Variants in MZT2A observed in about 807,000 individuals in gnomAD.
MZT2A encodes mitotic-spindle organizing protein 2A.
Under a neutral mutation model 12.4 loss-of-function variants are expected in MZT2A, and 8 were observed. The ratio of observed to expected loss-of-function variants is 0.64; its 90% CI spans 0.38 to 1.16. The LOEUF is 1.16. Among genes scored for constraint, MZT2A ranks in the 50% most tolerant of loss-of-function variants. The pLI is 0.01. For missense variants in MZT2A, 181 were observed against 223.6 expected, an observed-to-expected ratio of 0.81 and a Z score of 1.22; for synonymous variants, 88 against 107.5, an observed-to-expected ratio of 0.82 and a Z score of 1.12.
chr2:131,476,326 G>T, intron 2 of MZT2A: 6 of 1,531,684 alleles, frequency 3.9e-6, no homozygotes, highest in Non-Finnish European at 5.3e-6. Flanking sequence ...GCAGGGTCTA[G>T]TGCGGGACAG....
chr2:131,479,279 A>C, downstream of MZT2A: 1 of 1,610,730 alleles, frequency 6.2e-7, no homozygotes, highest in African/African-American at 1.3e-5. Flanking sequence ...GGCCTTAAAA[A>C]TTCACAGCAC....
At position 131,492,188 on chromosome 2, in the gene MZT2A, C is replaced by G; in HGVS notation, c.170+19G>C. 3.2e-6 allele frequency: 5 copies of G among 1,548,086 alleles called. No individual in the cohort carries two copies. The highest frequency in any genetic ancestry group is 3.5e-6 in the Non-Finnish European group (4 of 1,150,196). On this transcript the variant is annotated intron_variant, in intron 1 of 2. Transcript: ENST00000309451. ...CGGGGGTGTCTGGCGAGCATGCGGCCCCCACCCGCCCCGCTCACTTGAACA... is the reference window on the plus strand; with the variant it reads ...CGGGGGTGTCTGGCGAGCATGCGGCGCCCACCCGCCCCGCTCACTTGAACA...
Position 131,492,357 on chromosome 2 carries a change from C to A in MZT2A, c.20G>T (p.Gly7Val). 1.4e-6 allele frequency: 2 copies of A among 1,399,672 alleles called. No homozygotes were observed. The highest frequency in any genetic ancestry group is 1.8e-6 in the Non-Finnish European group (2 of 1,086,250). The allele number at this position is 1,399,672 out of a possible 1,614,324, so 86.7% of individuals were successfully genotyped here. A position where few individuals can be genotyped will look rare whatever the true frequency, so the allele number is the denominator to read the frequency against. Residue 7 changes from glycine to valine, a missense_variant, in exon 1 of 3, where the codon GGG (glycine) becomes GTG (valine). By Grantham distance (109) the Gly-to-Val change is moderately radical. This residue lies in a region of MZT2A where 106 missense variants were observed against 127.2 expected (regional missense o/e 0.83). Coordinates refer to ENST00000309451, the MANE Select transcript of MZT2A (RefSeq NM_001085365.2). ...GGGCGCCGCCGACCCCGGCCCAGGCCCTACGCCCTGCGCCGCCATCCGCGA... is the reference window on the plus strand; with the variant it reads ...GGGCGCCGCCGACCCCGGCCCAGGCACTACGCCCTGCGCCGCCATCCGCGA... Reference protein sequence around the residue: MAAQGVGPGPGSAAPPG... With the variant: MAAQGVVPGPGSAAPPG...
At chr2:131,482,910 A>G (rs1388296403), downstream of MZT2A, 2 of 1,571,660 alleles carry the variant, frequency 1.3e-6, no homozygotes, top group African/African-American at 2.7e-5. Flanking sequence ...AGTTGTTTGC[A>G]ATTAAAGGTT....
chr2:131,482,167 G>C (rs2695517), downstream of MZT2A, among the ~76,000 whole-genome samples: 1 of 152,322 alleles, frequency 6.6e-6, no homozygotes, highest in East Asian at 1.9e-4. Context: ...ATAGCATGGG[G>C]AAGAGTTGTG....
At chr2:131,475,220 G>A (rs112214959) in intron 2 of MZT2A, among the ~76,000 whole-genome samples, 25,840 of 150,772 alleles carry the variant, frequency 0.17, 4,026 homozygotes, top group African/African-American at 0.42. Context: ...ACCTGAAGCA[G>A]TCCTCCTGCC....
rs993950960 is a variant in MZT2A at position 131,472,047 on chromosome 2, A to T, written c.393+21T>A. 1.1e-5 allele frequency: 14 copies of T among 1,288,030 alleles called. No individual in the cohort carries two copies. The African/African-American group carries it at 2.1e-4, about 20-fold the overall frequency. 79.8% of individuals were successfully genotyped at this position (1,288,030 alleles called of 1,614,324 possible). ...CTGCAAAGCCTCTTAAGCCTTTCTC[A>T]CCCAGAACCGAACTGCCTACCTTGT... On this transcript the variant is annotated intron_variant and NMD_transcript_variant, in intron 3 of 4. Coordinates refer to the MZT2A transcript ENST00000427024.
At chr2:131,473,109 G>T (rs1678511101) in intron 2 of MZT2A, among the ~76,000 whole-genome samples, 2 of 152,112 alleles carry the variant, frequency 1.3e-5, no homozygotes, top group African/African-American at 4.8e-5. Flanking sequence ...GAAGGTGGCT[G>T]TGTGCAAACC....
At chr2:131,487,643 G>A (rs1461350780) in intron 2 of MZT2A, among the ~76,000 whole-genome samples, 1 of 152,210 alleles carries the variant, frequency 6.6e-6, no homozygotes, top group Non-Finnish European at 1.5e-5. Context: ...GTAGAAATGG[G>A]TGGGGTCTTG....
downstream of MZT2A, chr2:131,480,197 G>A (rs1052294): frequency 6.2e-7 from 1 of 1,613,942 alleles, no homozygotes; most frequent in South Asian, 1.1e-5. Context: ...CCAAGCTAGA[G>A]TTTGCCATTT....
At position 131,492,275 on chromosome 2, in the gene MZT2A, G is replaced by A. The variant is rs372700068; in HGVS notation, c.102C>T (p.Ser34=). The change falls in exon 1 of 3, where the codon AGC becomes AGT. Residue 34 remains serine, a synonymous_variant. Transcript: ENST00000309451. The part of the protein sequence containing the change: ...KLALRRKKVL[S]TEEMELYELA... ...GCTCGTACAGCTCCATCTCCTCGGT[G>A]CTCAGCACCTTCTTGCGCCGCAGCG... 26 of 1,575,750 alleles carry A rather than the reference G, an allele frequency of 1.7e-5. No individual in the cohort carries two copies. Among genetic ancestry groups the A allele is most frequent in the African/African-American group, 1.6e-4 (12 of 73,584 alleles).
At chr2:131,477,189 C>T (rs559892033) in intron 2 of MZT2A, among the ~76,000 whole-genome samples, 2 of 151,754 alleles carry the variant, frequency 1.3e-5, no homozygotes, top group South Asian at 4.2e-4. Context: ...AGGTGTGTGC[C>T]ACCACACCTG....
intron 2 of MZT2A, among the ~76,000 whole-genome samples, chr2:131,477,090 C>T (rs558344974): frequency 1.1e-4 from 17 of 150,830 alleles, no homozygotes; most frequent in Admixed American, 9.9e-4. Flanking sequence ...CAGGCTGGAG[C>T]ACAGTTGCAG....
Position 131,492,356 on chromosome 2 carries a change from C to T in MZT2A, c.21G>A (p.Gly7=), listed in dbSNP as rs917234580. The T allele has an allele frequency of 3.6e-6, 5 of 1,399,514 alleles. No homozygotes were observed. The highest frequency in any genetic ancestry group is 6.7e-5 in the Admixed American group (2 of 30,040). The allele number at this position is 1,399,514 out of a possible 1,614,324, so 86.7% of individuals were successfully genotyped here. The change falls in exon 1 of 3, where the codon GGG becomes GGA. Residue 7 remains glycine, a synonymous_variant. Transcript: ENST00000309451. MAAQGV[G]PGPGSAAPPG... is the part of the protein sequence containing the mutation. ...GGGGCGCCGCCGACCCCGGCCCAGG[C>T]CCTACGCCCTGCGCCGCCATCCGCG...
chr2:131,487,151 C>T (rs1232536015), intron 2 of MZT2A, among the ~76,000 whole-genome samples: 2 of 152,094 alleles, frequency 1.3e-5, no homozygotes, highest in East Asian at 1.9e-4. Flanking sequence ...CCCTCCTAAA[C>T]GCCAAAAACA....
At chr2:131,480,013 G>T, downstream of MZT2A, 1 of 1,523,500 alleles carries the variant, frequency 6.6e-7, no homozygotes. Flanking sequence ...TGGCTTGTTG[G>T]AGGTTGGTGG....
intron 2 of MZT2A, among the ~76,000 whole-genome samples, 194 bp from the exon 3 acceptor site, chr2:131,484,412 G>A (rs1197194749): frequency 1.3e-5 from 2 of 152,234 alleles, no homozygotes; most frequent in Non-Finnish European, 2.9e-5. Flanking sequence ...GAAGCCCTTG[G>A]CAGTGTGCAG....
In MZT2A at chr2:131,478,335, G is replaced by A. The variant is rs534432356; in HGVS notation, c.279-6153C>T. ...CACGTTCTTCAGTGAGACTGGAGCT[G>A]GCAAGCACGTGCCCAGAGCAGTGTT... is the stretch of plus-strand genomic sequence containing the variant. On this transcript the variant is annotated intron_variant and NMD_transcript_variant, in intron 2 of 4. Coordinates refer to the MZT2A transcript ENST00000427024. 16 of 1,614,000 alleles carry A rather than the reference G, an allele frequency of 9.9e-6. No homozygotes were observed. The East Asian group carries it at 3.1e-4, about 31-fold the overall frequency.
At chr2:131,490,137 G>A (rs1260656931) in intron 2 of MZT2A, 7 of 677,396 alleles carry the variant, frequency 1.0e-5, no homozygotes, top group Non-Finnish European at 1.3e-5. Flanking sequence ...CAGGAGGCGC[G>A]ACCAAAGACC....
Sources: gnomAD v4.1 joint callset for allele counts (sites outside exome capture counted in the v4.1 genomes callset) on GRCh38, gnomAD v4.1.1 for gene constraint, gnomAD v4.1.1 regional missense constraint, MANE v1.5 for transcripts, NCBI Gene and HGNC (gene_info 2026-07-23, HGNC 2026-07-21) for gene names.